TP63: variants seen among roughly 807,000 people sequenced by gnomAD.
TP63 encodes the protein tumor protein p63.
Under a neutral mutation model 82.8 loss-of-function variants are expected in TP63, and 17 were observed. That is an observed-to-expected ratio of 0.21 (90% CI 0.14 to 0.31). TP63 has a LOEUF of 0.31. Ranked by LOEUF, TP63 falls within the 10% of genes least tolerant of loss-of-function variation. The pLI is 1.00. For synonymous variants in TP63, 330 were observed against 321.7 expected (o/e 1.03, Z -0.28); for missense variants, 648 against 895.3 (o/e 0.72, Z 3.52).
At chr3:189,848,701 C>T (rs1288296155) in intron 4 of TP63, among the ~76,000 whole-genome samples, 1 of 152,138 alleles carries the variant, frequency 6.6e-6, no homozygotes, top group Non-Finnish European at 1.5e-5. Context: ...CTTCATAGAA[C>T]TAAGGAAATC....
In TP63 at chr3:189,676,578, A is replaced by G. The variant is rs1230618548; in HGVS notation, c.62+45001A>G. Among the ~76,000 whole-genome samples the G allele has an allele frequency of 4.0e-5, 6 of 151,588 alleles. 1 individual carries two copies. The South Asian group carries it at 1.2e-3, about 31-fold the overall frequency. Reference sequence around the variant, plus strand: ...TGCATGTGTGTATGTGTGTGTGTGTATCCCGTATGTTCCTTTAAAAAAAAA... The same window carrying G: ...TGCATGTGTGTATGTGTGTGTGTGTGTCCCGTATGTTCCTTTAAAAAAAAA... On this transcript the variant is annotated intron_variant, in intron 1 of 13. Transcript: ENST00000264731.
chr3:189,670,391 A>G (rs1714788905), intron 1 of TP63, among the ~76,000 whole-genome samples: 2 of 152,202 alleles, frequency 1.3e-5, no homozygotes, highest in South Asian at 2.1e-4. Context: ...ACCAAGATAG[A>G]GCACATGTTG....
chr3:189,761,909 T>C (rs1722613075), intron 3 of TP63, among the ~76,000 whole-genome samples: 1 of 151,932 alleles, frequency 6.6e-6, no homozygotes, highest in South Asian at 2.1e-4. Flanking sequence ...GAAACCCCCG[T>C]TTTTAAAACC....
intron 3 of TP63, among the ~76,000 whole-genome samples, chr3:189,770,520 G>A (rs921586428): frequency 3.3e-5 from 5 of 151,116 alleles, no homozygotes; most frequent in South Asian, 2.1e-4. Context: ...AGCCGAGATC[G>A]TTCCACTGCA....
At chr3:189,733,743 GTATT>G (rs1195544537) in intron 1 of TP63, among the ~76,000 whole-genome samples, 8 of 152,184 alleles carry the variant, frequency 5.3e-5, no homozygotes, top group African/African-American at 1.2e-4. Flanking sequence ...CATCTTGAGA[GTATT>G]TATAAGTTTC....
At position 189,727,837 on chromosome 3, in the gene TP63, C is replaced by A. The variant is rs149969511; in HGVS notation, c.63-9903C>A. On this transcript the variant is annotated intron_variant, in intron 1 of 13. Coordinates refer to ENST00000264731, the MANE Select transcript of TP63 (RefSeq NM_003722.5). Reference sequence around the variant, plus strand: ...TTGGGGGCAGTTTGTCAAAAAGTACCCTGTTTGTAAGCATGCATGTTACTG... The same window carrying A: ...TTGGGGGCAGTTTGTCAAAAAGTACACTGTTTGTAAGCATGCATGTTACTG... Among the ~76,000 whole-genome samples the A allele has an allele frequency of 7.7e-3, 1,169 of 152,172 alleles. 16 individuals carry two copies. The highest frequency in any genetic ancestry group is 0.026 in the African/African-American group (1,062 of 41,506).
chr3:189,816,725 AT>A (rs1347094894), intron 4 of TP63, among the ~76,000 whole-genome samples: 3 of 152,182 alleles, frequency 2.0e-5, no homozygotes, highest in Admixed American at 6.5e-5. Context: ...CCCTGCAGAC[AT>A]TTTGTAGATA....
chr3:189,808,488 T>G lies in TP63; in HGVS notation c.541T>G (p.Phe181Val). Residue 181 changes from phenylalanine (F) to valine (V), a missense_variant, in exon 4 of 14, where the codon TTC becomes GTC. By Grantham distance (50) the Phe-to-Val change is conservative. Transcript: ENST00000264731. Reference sequence around the variant, plus strand: ...AGGCCCGCACAGTTTCGACGTGTCCTTCCAGCAGTCGAGCACCGCCAAGTC... The same window carrying G: ...AGGCCCGCACAGTTTCGACGTGTCCGTCCAGCAGTCGAGCACCGCCAAGTC... ...YPGPHSFDVS[F>V]QQSSTAKSAT... 6.2e-7 allele frequency: 1 copy of G among 1,614,194 alleles called. No individual in the cohort carries two copies. The highest frequency in any genetic ancestry group is 8.5e-7 in the Non-Finnish European group (1 of 1,180,044).
chr3:189,811,225 C>T (rs1156964387), intron 4 of TP63, among the ~76,000 whole-genome samples: 1 of 152,162 alleles, frequency 6.6e-6, no homozygotes, highest in Non-Finnish European at 1.5e-5. Flanking sequence ...GAGAAACCTA[C>T]TCTGTTTTCT....
At chr3:189,703,110 G>T in intron 1 of TP63, among the ~76,000 whole-genome samples, 1 of 152,152 alleles carries the variant, frequency 6.6e-6, no homozygotes, top group East Asian at 1.9e-4. Context: ...CTGGGATCAG[G>T]GTTAACTACA....
chr3:189,731,004 A>G (rs1418551341), intron 1 of TP63, among the ~76,000 whole-genome samples: 1 of 152,226 alleles, frequency 6.6e-6, no homozygotes, highest in Non-Finnish European at 1.5e-5. Flanking sequence ...ATTCATGACA[A>G]GAATTTGTTT....
intron 5 of TP63, among the ~76,000 whole-genome samples, chr3:189,865,072 T>C (rs1434742156): frequency 6.6e-6 from 1 of 152,038 alleles, no homozygotes; most frequent in African/African-American, 2.4e-5. Context: ...GCTATTCTAC[T>C]TGGCCCAGGC....
At chr3:189,695,578 A>G (rs1717313915) in intron 1 of TP63, among the ~76,000 whole-genome samples, 1 of 152,196 alleles carries the variant, frequency 6.6e-6, no homozygotes, top group African/African-American at 2.4e-5. Context: ...GCAAGGAAAT[A>G]TATGGATATA....
In TP63 at chr3:189,737,002, A is replaced by G. The variant is rs563070226; in HGVS notation, c.63-738A>G. ...TTTTCCTCCAAATATATAGGAATAA[A>G]TGTTTGGAAAAAATAAGTAAAGCAA... On this transcript the variant is annotated intron_variant, in intron 1 of 13. Coordinates refer to ENST00000264731, the MANE Select transcript of TP63 (RefSeq NM_003722.5). Among the ~76,000 whole-genome samples, 212 of 152,254 alleles carry G rather than the reference A, an allele frequency of 1.4e-3. 1 individual carries two copies. The highest frequency in any genetic ancestry group is 4.9e-3 in the African/African-American group (205 of 41,560).
At chr3:189,645,725 A>G (rs889586507) in intron 1 of TP63, among the ~76,000 whole-genome samples, 7 of 145,836 alleles carry the variant, frequency 4.8e-5, no homozygotes, top group Non-Finnish European at 8.9e-5. Context: ...CTCATTGTTC[A>G]ATTCCCACCT....
intron 3 of TP63, among the ~76,000 whole-genome samples, chr3:189,770,201 C>G (rs908970951): frequency 6.6e-6 from 1 of 152,148 alleles, no homozygotes; most frequent in Non-Finnish European, 1.5e-5. Context: ...AAACCAGACA[C>G]AATCCTTATC....
At chr3:189,860,442 G>C (rs1560269276) in intron 4 of TP63, among the ~76,000 whole-genome samples, 1 of 152,116 alleles carries the variant, frequency 6.6e-6, no homozygotes, top group Non-Finnish European at 1.5e-5. Context: ...CATAGACCAG[G>C]GAGACTGAAC....
chr3:189,823,372 T>C (rs1029703465), intron 4 of TP63, among the ~76,000 whole-genome samples: 5 of 152,128 alleles, frequency 3.3e-5, no homozygotes, highest in African/African-American at 1.2e-4. Flanking sequence ...CAGATCGGTA[T>C]ATAAAGTAGA....
At chr3:189,815,114 C>T (rs11715216) in intron 4 of TP63, among the ~76,000 whole-genome samples, 152,044 of 152,100 alleles carry the variant, frequency 1, 75,994 homozygotes, top group Middle Eastern at 1. Flanking sequence ...TCTCTTTTTT[C>T]CTTCATTTAT....
Sources: gnomAD v4.1 joint callset for allele counts (sites outside exome capture counted in the v4.1 genomes callset) on GRCh38, gnomAD v4.1.1 for gene constraint, MANE v1.5 for transcripts, NCBI Gene and HGNC (gene_info 2026-07-23, HGNC 2026-07-21) for gene names.